Variants in SETD1B observed in about 807,000 individuals in gnomAD.
SETD1B encodes histone-lysine N-methyltransferase SETD1B.
SETD1B carries 7 observed loss-of-function variants against 148.0 expected under a neutral mutation model. The observed-to-expected ratio is 0.05, with a 90% CI of 0.03 to 0.09. The LOEUF is 0.09. SETD1B is among the 10% of genes least tolerant of loss of function. The probability of loss-of-function intolerance (pLI) is 1.00; values close to 1 mark genes in which losing one functional copy is unlikely to be tolerated. For missense variants in SETD1B, 2,155 were observed against 2,729.9 expected (o/e 0.79, Z 4.69); for synonymous variants, 1,361 against 1,186.5 (o/e 1.15, Z -3.02).
chr12:121,817,557 C>A lies in SETD1B; in HGVS notation c.3165C>A (p.Ser1055=), dbSNP rs1474034544. The A allele has an allele frequency of 1.3e-6, 2 of 1,551,456 alleles. No homozygotes were observed. Among genetic ancestry groups the A allele is most frequent in the South Asian group, 1.2e-5 (1 of 84,056 alleles). Residue 1055 remains serine (S), a synonymous_variant, in exon 9 of 17, where the codon TCC becomes TCA. Transcript: ENST00000604567. The surrounding 1 kb of genome is among the most constrained non-coding windows in gnomAD (Gnocchi z 8.1). The part of the protein sequence containing the change: ...SSSSASSSSG[S]STTSPSSSAS... ...CATCCGCGTCATCATCCTCGGGGTC[C>A]TCAACCACCTCACCCTCGTCCTCGG...
At chr12:121,795,755 C>G in the SETD1B span, 189 of 152,790 alleles carry the variant, frequency 1.2e-3, 2 homozygotes, top group Non-Finnish European at 1.0e-3. Flanking sequence ...GGACCAGAAG[C>G]TGGTGAGTGC....
chr12:121,829,630 A>G (rs1876999412), intron 16 of SETD1B, among the ~76,000 whole-genome samples: 1 of 152,236 alleles, frequency 6.6e-6, no homozygotes, highest in African/African-American at 2.4e-5. Context: ...GATGATCTCT[A>G]TGGCAACTAC....
In SETD1B at chr12:121,823,556, G is replaced by T; in HGVS notation, c.4977G>T (p.Ser1659=). 6.4e-7 allele frequency: 1 copy of T among 1,550,946 alleles called. No individual in the cohort carries two copies. The highest frequency in any genetic ancestry group is 8.7e-7 in the Non-Finnish European group (1 of 1,146,902). Residue 1659 remains serine, a synonymous_variant, in exon 12 of 17, where the codon TCG becomes TCT. Transcript: ENST00000604567. ...AGGACCTGGTGCCACCTGCGGGCTCGCCCGAACTCTCGCCACCCCAGCCCC... is the reference window on the plus strand; with the variant it reads ...AGGACCTGGTGCCACCTGCGGGCTCTCCCGAACTCTCGCCACCCCAGCCCC... ...RHEDLVPPAG[S]PELSPPQPLF...
chr12:121,815,463 C>T (rs1481676398), intron 7 of SETD1B, among the ~76,000 whole-genome samples: 3 of 151,916 alleles, frequency 2.0e-5, no homozygotes, highest in African/African-American at 7.3e-5. Flanking sequence ...CCCCTCACCT[C>T]CCCTCATGCC....
rs1373777370 is a variant in SETD1B, at chr12:121,804,756, C to G, written c.19C>G (p.Pro7Ala). 1.3e-6 allele frequency: 2 copies of G among 1,550,402 alleles called. No individual in the cohort carries two copies. Among genetic ancestry groups the G allele is most frequent in the South Asian group, 1.2e-5 (1 of 83,970 alleles). The part of the protein sequence containing the change: MENSHP[P>A]HHHHQQPPPQ... The stretch of plus-strand genomic sequence containing the variant: ...TAACGGCATGGAGAACAGTCACCCC[C>G]CCCACCACCACCACCAGCAGCCCCC... Residue 7 changes from proline to alanine, a missense_variant, in exon 2 of 17, where the codon CCC (proline) becomes GCC (alanine). Transcript: ENST00000604567. This position sits in a 1 kb window ranked among gnomAD's most constrained non-coding sequence, Gnocchi z 4.6.
At chr12:121,801,625 G>A (rs1875367664), upstream of SETD1B, 1 of 152,632 alleles carries the variant, frequency 6.6e-6, no homozygotes, top group South Asian at 2.1e-4. Flanking sequence ...GGTGGTTTTG[G>A]AGACGTTATT....
At chr12:121,798,540 C>A in the SETD1B span, among the ~76,000 whole-genome samples, 1 of 152,258 alleles carries the variant, frequency 6.6e-6, no homozygotes, top group Non-Finnish European at 1.5e-5. Flanking sequence ...TTCCAGCAGG[C>A]ATCCTTATCA....
intron 13 of SETD1B, 139 bp downstream of exon 13, chr12:121,825,505 G>GGT: frequency 5.7e-6 from 4 of 695,838 alleles, no homozygotes; most frequent in Non-Finnish European, 9.2e-6. Flanking sequence ...AAGTGGAAGG[G>GGT]GAGAGGCGGG....
At chr12:121,825,164 C>G in intron 12 of SETD1B, 36 bp from the exon 13 acceptor site, 5 of 1,547,474 alleles carry the variant, frequency 3.2e-6, no homozygotes, top group Non-Finnish European at 4.4e-6. Context: ...AGAAGGGGCT[C>G]TCAGAATGTC....
At chr12:121,799,699 G>A (rs1592966210), upstream of SETD1B, 1 of 140,638 alleles carries the variant, frequency 7.1e-6, no homozygotes, top group African/African-American at 2.7e-5. Context: ...CCAGCAGGCG[G>A]CCCTACGCGC....
chr12:121,827,632 C>G lies in SETD1B; in HGVS notation c.5451C>G (p.Leu1817=), dbSNP rs2137589138. 1 of 1,551,556 alleles carries G rather than the reference C, an allele frequency of 6.4e-7. No individual in the cohort carries two copies. Among genetic ancestry groups the G allele is most frequent in the Non-Finnish European group, 8.7e-7 (1 of 1,146,918 alleles). ...SFTGSCDSDL[L]KFNQLKFRKK... ...CTGGCAGCTGTGACAGTGACCTGCT[C>G]AAGTTCAACCAGCTCAAGGTGAGGC... The change falls in exon 14 of 17, where the codon CTC becomes CTG. Residue 1817 remains leucine, a synonymous_variant. Coordinates refer to ENST00000604567, the MANE Select transcript of SETD1B (RefSeq NM_001353345.2).
intron 11 of SETD1B, among the ~76,000 whole-genome samples, chr12:121,821,612 G>C (rs762525502): frequency 7.3e-5 from 11 of 151,216 alleles, no homozygotes; most frequent in Non-Finnish European, 1.2e-4. Context: ...TTAGCAGGGC[G>C]TGGTGGCACG....
At chr12:121,791,200 A>G in the SETD1B span, among the ~76,000 whole-genome samples, 91 of 152,202 alleles carry the variant, frequency 6.0e-4, no homozygotes, top group African/African-American at 2.1e-3. Context: ...ATCTCGGCTC[A>G]CTGCAACCTC....
chr12:121,819,391 G>A lies in SETD1B; in HGVS notation c.3419-13G>A, dbSNP rs368485886. 66 of 1,551,442 alleles carry A rather than the reference G, an allele frequency of 4.3e-5. No individual in the cohort carries two copies. The highest frequency in any genetic ancestry group is 5.4e-5 in the Non-Finnish European group (62 of 1,146,982). Reference sequence around the variant, plus strand: ...GGTCCTCAGGCAGCCCCTCGTCTGTGTCCCCCATCCAGAGGAGACAGTGAG... The same window carrying A: ...GGTCCTCAGGCAGCCCCTCGTCTGTATCCCCCATCCAGAGGAGACAGTGAG... On this transcript the variant is annotated splice_polypyrimidine_tract_variant and intron_variant, in intron 10 of 16. Transcript: ENST00000604567.
chr12:121,816,943 C>T, intron 7 of SETD1B, 90 bp from the exon 8 acceptor site: 1 of 1,211,922 alleles, frequency 8.3e-7, no homozygotes, highest in East Asian at 2.6e-5. Context: ...GCTGTTACTG[C>T]CGAGTGGAAG....
intron 12 of SETD1B, among the ~76,000 whole-genome samples, chr12:121,824,951 C>T (rs1012120712): frequency 6.9e-6 from 1 of 144,562 alleles, no homozygotes; most frequent in Admixed American, 7.2e-5. Flanking sequence ...CCACTGCACT[C>T]GAGCCTGGGC....
chr12:121,806,176 GCGTGGGGAGGACCCCCCCTCACTCTTC>G (rs1291507884), intron 4 of SETD1B, 71 bp downstream of exon 4: 24 of 1,486,908 alleles, frequency 1.6e-5, no homozygotes, highest in Non-Finnish European at 2.0e-5. Context: ...CCTTCCTGCA[GCGTGGGGAGGACCCCCCCTCACTCTTC>G]CTTGGGATCC....
intron 6 of SETD1B, among the ~76,000 whole-genome samples, chr12:121,811,337 G>A (rs1482765409): frequency 1.3e-5 from 2 of 151,918 alleles, no homozygotes; most frequent in African/African-American, 4.8e-5. Context: ...CTAGAGCCTG[G>A]TGCCCTCTGA....
intron 16 of SETD1B, among the ~76,000 whole-genome samples, chr12:121,829,736 AACAGG>A (rs760998638): frequency 1.6e-4 from 24 of 152,234 alleles, no homozygotes; most frequent in Non-Finnish European, 3.1e-4. Flanking sequence ...TATTTACAAA[AACAGG>A]CTGCTAGGGG....
Sources: gnomAD v4.1 joint callset for allele counts (sites outside exome capture counted in the v4.1 genomes callset) on GRCh38, gnomAD v4.1.1 for gene constraint, Gnocchi (gnomAD v3.1) non-coding constraint, MANE v1.5 for transcripts, NCBI Gene and HGNC (gene_info 2026-07-23, HGNC 2026-07-21) for gene names.